The following TACR1 variants were observed in gnomAD, a reference collection of about 807,000 sequenced individuals.
TACR1 encodes substance-P receptor.
TACR1 carries 25 observed loss-of-function variants against 35.8 expected under a neutral mutation model. The ratio of observed to expected loss-of-function variants is 0.70; its 90% CI spans 0.51 to 0.98. The LOEUF is 0.98. Among genes scored for constraint, TACR1 ranks in the 50% least tolerant of loss-of-function variants. The probability of loss-of-function intolerance (pLI) is 0.00; values close to 1 mark genes in which losing one functional copy is unlikely to be tolerated. For missense variants in TACR1, 478 were observed against 522.9 expected (o/e 0.91, Z 0.84); for synonymous variants, 195 against 206.7 (o/e 0.94, Z 0.48).
intron 2 of TACR1, among the ~76,000 whole-genome samples, chr2:75,094,749 T>C (rs1227991396): frequency 6.6e-6 from 1 of 150,962 alleles, no homozygotes; most frequent in Admixed American, 6.6e-5. Context: ...ATGAGAGATG[T>C]GCCATTTGCA....
chr2:75,087,742 T>C lies in TACR1; in HGVS notation c.584+32832A>G, dbSNP rs28707753. Among the ~76,000 whole-genome samples, 433 of 152,340 alleles carry C rather than the reference T, an allele frequency of 2.8e-3. 4 individuals are homozygous for C. The highest frequency in any genetic ancestry group is 9.7e-3 in the African/African-American group (402 of 41,582). On this transcript the variant is annotated intron_variant, in intron 2 of 4. Coordinates refer to ENST00000305249, the MANE Select transcript of TACR1 (RefSeq NM_001058.4). ...CTTGCCTTCTTAATCACTTTTCCCC[T>C]GCTGAAGTCCAGTCATTTAGACATA... is the stretch of plus-strand genomic sequence containing the variant.
chr2:75,174,720 G>A (rs778430340), intron 1 of TACR1, among the ~76,000 whole-genome samples: 2 of 152,302 alleles, frequency 1.3e-5, no homozygotes, highest in Non-Finnish European at 2.9e-5. Flanking sequence ...TTAATCCATA[G>A]CAATGGAGAG....
At chr2:75,170,663 T>A (rs1675255906) in intron 1 of TACR1, among the ~76,000 whole-genome samples, 1 of 152,158 alleles carries the variant, frequency 6.6e-6, no homozygotes, top group Non-Finnish European at 1.5e-5. Context: ...GACAATAAAG[T>A]CCAGGCTGAG....
rs1343347451 is a variant in TACR1, at chr2:75,198,957, C to T, written c.-23G>A. On this transcript the variant is annotated 5_prime_UTR_variant, in exon 1 of 5. Coordinates refer to ENST00000305249, the MANE Select transcript of TACR1 (RefSeq NM_001058.4). ...CATTTCGAAGCTAGGCGGTAAAGCC[C>T]TACTATCTGTACACAACCCCCCTCT... 3.1e-6 allele frequency: 5 copies of T among 1,608,326 alleles called. No homozygotes were observed.
At chr2:75,081,122 C>T (rs866312407) in intron 2 of TACR1, among the ~76,000 whole-genome samples, 1 of 152,080 alleles carries the variant, frequency 6.6e-6, no homozygotes, top group African/African-American at 2.4e-5. Context: ...ACCAGAGGTG[C>T]TAGGAGGAAT....
intron 2 of TACR1, among the ~76,000 whole-genome samples, chr2:75,064,996 A>T (rs766187065): frequency 6.6e-6 from 1 of 152,200 alleles, no homozygotes; most frequent in Admixed American, 6.5e-5. Flanking sequence ...AATCTGCATT[A>T]TGCTCCCTGG....
At chr2:75,167,851 G>T (rs940144175) in intron 1 of TACR1, among the ~76,000 whole-genome samples, 4 of 151,968 alleles carry the variant, frequency 2.6e-5, no homozygotes, top group African/African-American at 4.8e-5. Flanking sequence ...ACCAATTTAA[G>T]AAATAAGCCA....
chr2:75,096,333 G>GA (rs1673424218), intron 2 of TACR1, among the ~76,000 whole-genome samples: 1 of 152,176 alleles, frequency 6.6e-6, no homozygotes, highest in South Asian at 2.1e-4. Context: ...TCCCAGTGGA[G>GA]GCTCCTTAGA....
At chr2:75,167,373 G>T (rs1224633037) in intron 1 of TACR1, among the ~76,000 whole-genome samples, 1 of 152,178 alleles carries the variant, frequency 6.6e-6, no homozygotes, top group African/African-American at 2.4e-5. Context: ...GAGGGTGGCA[G>T]AAGGTACCTG....
intron 1 of TACR1, among the ~76,000 whole-genome samples, chr2:75,155,628 C>T (rs1674829545): frequency 1.3e-5 from 2 of 152,230 alleles, no homozygotes; most frequent in African/African-American, 4.8e-5. Flanking sequence ...CAACCACCCT[C>T]CTGCCTTGGA....
intron 2 of TACR1, among the ~76,000 whole-genome samples, chr2:75,117,020 A>G (rs1182639900): frequency 2.0e-5 from 3 of 152,164 alleles, no homozygotes; most frequent in South Asian, 4.1e-4. Flanking sequence ...AGATTTCTTA[A>G]TATTTTCTAG....
At chr2:75,054,482 G>A (rs1187844214) in intron 2 of TACR1, among the ~76,000 whole-genome samples, 1 of 152,122 alleles carries the variant, frequency 6.6e-6, no homozygotes, top group East Asian at 1.9e-4. Flanking sequence ...CCCATTGGAG[G>A]ACAGGTGCCA....
At chr2:75,124,978 A>G (rs895574755) in intron 1 of TACR1, among the ~76,000 whole-genome samples, 2 of 152,166 alleles carry the variant, frequency 1.3e-5, no homozygotes, top group Admixed American at 6.5e-5. Flanking sequence ...CCCTGGTTCT[A>G]ATGTGAGCAC....
intron 1 of TACR1, chr2:75,154,260 A>G (rs953857000): frequency 6.6e-6 from 1 of 151,742 alleles, no homozygotes; most frequent in African/African-American, 2.4e-5. Flanking sequence ...CCAAACAACA[A>G]ACAGCTCCCC....
intron 2 of TACR1, among the ~76,000 whole-genome samples, chr2:75,073,658 G>A (rs1672923086): frequency 6.6e-6 from 1 of 152,194 alleles, no homozygotes; most frequent in Non-Finnish European, 1.5e-5. Context: ...GGGGCAGTGG[G>A]TCTGGGGGGA....
At chr2:75,087,256 A>G (rs768172882) in intron 2 of TACR1, among the ~76,000 whole-genome samples, 1 of 152,220 alleles carries the variant, frequency 6.6e-6, no homozygotes, top group African/African-American at 2.4e-5. Context: ...TTCCACTTGC[A>G]TCTTGCATTT....
chr2:75,088,947 C>G (rs953997833), intron 2 of TACR1, among the ~76,000 whole-genome samples: 4 of 152,202 alleles, frequency 2.6e-5, no homozygotes, highest in Admixed American at 1.3e-4. Context: ...TGCCCCCACC[C>G]TCCTGTGAGT....
chr2:75,096,651 G>A (rs1399474987), intron 2 of TACR1, among the ~76,000 whole-genome samples: 1 of 152,180 alleles, frequency 6.6e-6, no homozygotes, highest in Non-Finnish European at 1.5e-5. Context: ...TATCATGAAT[G>A]CATAGCTGTA....
At position 75,198,961 on chromosome 2, in the gene TACR1, T is replaced by A. The variant is rs773671609; in HGVS notation, c.-27A>T. On this transcript the variant is annotated 5_prime_UTR_variant, in exon 1 of 5. Transcript: ENST00000305249. The stretch of plus-strand genomic sequence containing the variant: ...TCGAAGCTAGGCGGTAAAGCCCTAC[T>A]ATCTGTACACAACCCCCCTCTGCAG... The A allele has an allele frequency of 8.1e-6, 13 of 1,607,258 alleles. No individual in the cohort carries two copies. In the Admixed American group the frequency reaches 1.5e-4, roughly 19 times the overall value.
Sources: gnomAD v4.1 joint callset for allele counts (sites outside exome capture counted in the v4.1 genomes callset) on GRCh38, gnomAD v4.1.1 for gene constraint, MANE v1.5 for transcripts, NCBI Gene and HGNC (gene_info 2026-07-23, HGNC 2026-07-21) for gene names.